NSUN6: variants seen among roughly 807,000 people sequenced by gnomAD.
NSUN6 encodes the protein tRNA (cytosine(72)-C(5))-methyltransferase NSUN6.
A neutral mutation model predicts 58.0 loss-of-function variants in NSUN6; 64 were observed. The ratio of observed to expected loss-of-function variants is 1.10; its 90% CI spans 0.90 to 1.36. NSUN6 has a LOEUF of 1.36. Ranked by LOEUF, NSUN6 falls within the 40% of genes most tolerant of loss-of-function variation. The pLI is 0.00. For missense variants in NSUN6, 701 were observed against 550.1 expected (o/e 1.27, Z -2.74); for synonymous variants, 231 against 193.9 (o/e 1.19, Z -1.59).
At chr10:18,561,130 G>T (rs1406959225) in intron 8 of NSUN6, among the ~76,000 whole-genome samples, 6 of 120,540 alleles carry the variant, frequency 5.0e-5, no homozygotes, top group Non-Finnish European at 1.8e-5. Flanking sequence ...AGAATGCAAT[G>T]GAGAATGGAA....
chr10:18,629,063 A>G (rs2058933549), intron 3 of NSUN6, among the ~76,000 whole-genome samples: 2 of 152,242 alleles, frequency 1.3e-5, no homozygotes, highest in Non-Finnish European at 2.9e-5. Flanking sequence ...CTCTTGGCAG[A>G]AACTCTACAA....
At chr10:18,548,413 C>A (rs1452478952) in intron 9 of NSUN6, among the ~76,000 whole-genome samples, 176 bp from the exon 10 acceptor site, 1 of 152,198 alleles carries the variant, frequency 6.6e-6, no homozygotes, top group Admixed American at 6.5e-5. Context: ...GCAGCCTAGA[C>A]TAGGTGCATT....
At chr10:18,595,957 A>C (rs936336837) in intron 7 of NSUN6, among the ~76,000 whole-genome samples, 1 of 152,210 alleles carries the variant, frequency 6.6e-6, no homozygotes, top group Non-Finnish European at 1.5e-5. Context: ...AAATGTATTA[A>C]ATTTAATTTC....
chr10:18,647,388 T>G (rs1306221697), intron 2 of NSUN6, among the ~76,000 whole-genome samples: 1 of 152,198 alleles, frequency 6.6e-6, no homozygotes, highest in African/African-American at 2.4e-5. Flanking sequence ...GTATACAATT[T>G]ATGTGGTACC....
chr10:18,628,077 C>A (rs1439131941), intron 3 of NSUN6, among the ~76,000 whole-genome samples: 1 of 150,632 alleles, frequency 6.6e-6, no homozygotes, highest in Non-Finnish European at 1.5e-5. Context: ...GGGCAGACTG[C>A]CTCAAGTGGG....
chr10:18,600,028 C>A (rs1439480706), intron 6 of NSUN6, among the ~76,000 whole-genome samples: 1 of 152,096 alleles, frequency 6.6e-6, no homozygotes, highest in Non-Finnish European at 1.5e-5. Flanking sequence ...ATTAACTTTA[C>A]AAAGTATCTT....
At chr10:18,624,763 A>C (rs564062391) in intron 3 of NSUN6, among the ~76,000 whole-genome samples, 2 of 151,742 alleles carry the variant, frequency 1.3e-5, no homozygotes, top group East Asian at 3.9e-4. Flanking sequence ...GGTTCTTAGA[A>C]AGGGTTGCTT....
At chr10:18,604,760 C>G (rs563704103) in intron 6 of NSUN6, among the ~76,000 whole-genome samples, 23 of 151,986 alleles carry the variant, frequency 1.5e-4, no homozygotes, top group Middle Eastern at 3.4e-3. Flanking sequence ...GTGACGCATG[C>G]CTGTAGCTCC....
intron 7 of NSUN6, 106 bp downstream of exon 7, chr10:18,596,102 C>A (rs2057574487): frequency 3.3e-6 from 3 of 899,758 alleles, no homozygotes; most frequent in Non-Finnish European, 3.5e-6. Context: ...TTCATTTTGG[C>A]TGAATCTGAA....
chr10:18,629,326 C>G (rs2058944761), intron 3 of NSUN6, among the ~76,000 whole-genome samples: 1 of 152,110 alleles, frequency 6.6e-6, no homozygotes, highest in South Asian at 2.1e-4. Context: ...ACCATCAAGA[C>G]TAGGAAGAAA....
At chr10:18,567,475 C>T (rs1010300015) in intron 8 of NSUN6, among the ~76,000 whole-genome samples, 1 of 150,656 alleles carries the variant, frequency 6.6e-6, no homozygotes, top group African/African-American at 2.4e-5. Context: ...ATTCTCCATA[C>T]CATCCTCCAT....
chr10:18,588,353 T>C (rs1383826294), intron 7 of NSUN6, among the ~76,000 whole-genome samples: 2 of 152,184 alleles, frequency 1.3e-5, no homozygotes, highest in East Asian at 3.9e-4. Flanking sequence ...GCAGACTTAA[T>C]CTTTCCAGCC....
intron 8 of NSUN6, among the ~76,000 whole-genome samples, chr10:18,562,603 G>A (rs1299243204): frequency 1.3e-5 from 2 of 149,206 alleles, no homozygotes; most frequent in Admixed American, 6.7e-5. Context: ...AATGGAATGG[G>A]GAATGGTATG....
intron 5 of NSUN6, among the ~76,000 whole-genome samples, chr10:18,612,578 A>C (rs2058275049): frequency 6.6e-6 from 1 of 152,170 alleles, no homozygotes; most frequent in Non-Finnish European, 1.5e-5. Flanking sequence ...GTCCTCTAAA[A>C]AATACTGAAA....
chr10:18,634,909 G>A (rs1457119853), intron 3 of NSUN6, among the ~76,000 whole-genome samples: 7 of 152,186 alleles, frequency 4.6e-5, no homozygotes, highest in Non-Finnish European at 1.0e-4. Flanking sequence ...TTGAGAGGAT[G>A]GGTCTTGGCT....
intron 8 of NSUN6, among the ~76,000 whole-genome samples, chr10:18,570,851 A>AT (rs2056318257): frequency 7.2e-6 from 1 of 139,704 alleles, no homozygotes. Flanking sequence ...TCTCTATTCC[A>AT]TTCTCTTCCA....
intron 7 of NSUN6, among the ~76,000 whole-genome samples, chr10:18,592,096 A>G (rs1473311249): frequency 6.6e-6 from 1 of 152,168 alleles, no homozygotes; most frequent in Non-Finnish European, 1.5e-5. Context: ...AGAGAGCCAA[A>G]TCATGAGTGA....
intron 8 of NSUN6, among the ~76,000 whole-genome samples, chr10:18,570,964 TCCATTC>T (rs1275401387): frequency 1.3e-5 from 2 of 150,794 alleles, no homozygotes; most frequent in African/African-American, 4.9e-5. Flanking sequence ...TTTTCTCCAT[TCCATTC>T]CCATTCCATT....
chr10:18,651,354 G>A lies in NSUN6; in HGVS notation c.-151C>T, dbSNP rs1421096266. The A allele has an allele frequency of 5.1e-6, 7 of 1,379,718 alleles. No homozygotes were observed. The highest frequency in any genetic ancestry group is 6.5e-6 in the Non-Finnish European group (7 of 1,073,404). 85.5% of individuals were successfully genotyped at this position (1,379,718 alleles called of 1,614,324 possible). A position where few individuals can be genotyped will look rare whatever the true frequency, so the allele number is the denominator to read the frequency against. On this transcript the variant is annotated 5_prime_UTR_variant, in exon 1 of 11. Coordinates refer to ENST00000377304, the MANE Select transcript of NSUN6 (RefSeq NM_182543.5). The stretch of plus-strand genomic sequence containing the variant: ...ACGCTGAGTTAATTTCGGAAATGCA[G>A]AGGTACACGCTTTCTCAAGCCTAGC...
Sources: allele counts gnomAD v4.1 joint callset (sites outside exome capture counted in the v4.1 genomes callset), GRCh38; gene constraint gnomAD v4.1.1; transcripts MANE v1.5; gene names NCBI Gene and HGNC (gene_info 2026-07-23, HGNC 2026-07-21).